GRID2: variants seen among roughly 807,000 people sequenced by gnomAD.
The protein encoded by GRID2 is glutamate receptor ionotropic, delta-2.
Under a neutral mutation model 114.8 loss-of-function variants are expected in GRID2, and 33 were observed. The ratio of observed to expected loss-of-function variants is 0.29; its 90% CI spans 0.22 to 0.38. The LOEUF is 0.38. GRID2 is among the 10% of genes least tolerant of loss of function. The probability of loss-of-function intolerance (pLI) is 1.00; values close to 1 mark genes in which losing one functional copy is unlikely to be tolerated. For synonymous variants in GRID2, 505 were observed against 449.9 expected (o/e 1.12, Z -1.55); for missense variants, 1,184 against 1,257.7 (o/e 0.94, Z 0.89).
At chr4:92,852,417 C>T (rs1026061888) in intron 2 of GRID2, among the ~76,000 whole-genome samples, 13 of 151,884 alleles carry the variant, frequency 8.6e-5, no homozygotes, top group African/African-American at 1.4e-4. Context: ...CTCAGATAGG[C>T]TGAACTGTCT....
At chr4:93,692,209 G>T (rs1412666745) in intron 14 of GRID2, among the ~76,000 whole-genome samples, 1 of 151,874 alleles carries the variant, frequency 6.6e-6, no homozygotes, top group Non-Finnish European at 1.5e-5. Flanking sequence ...AAAATTGGGG[G>T]GGTTGCAAAT....
At chr4:93,295,588 C>T (rs1215029813) in intron 8 of GRID2, among the ~76,000 whole-genome samples, 2 of 151,138 alleles carry the variant, frequency 1.3e-5, no homozygotes, top group Admixed American at 6.6e-5. Flanking sequence ...TCTCCTCTTC[C>T]TCCTCCTCCT....
chr4:93,257,013 T>G (rs1445437909), intron 8 of GRID2, among the ~76,000 whole-genome samples: 1 of 151,826 alleles, frequency 6.6e-6, no homozygotes, highest in African/African-American at 2.4e-5. Flanking sequence ...TATTTTTTGA[T>G]GCACGTGGGA....
chr4:93,174,803 A>G (rs970587155), intron 4 of GRID2, among the ~76,000 whole-genome samples: 4 of 152,112 alleles, frequency 2.6e-5, no homozygotes, highest in Non-Finnish European at 5.9e-5. Context: ...AGAGTGTGGT[A>G]TTTTCTTACA....
chr4:92,785,047 C>G (rs1053501450), intron 2 of GRID2, among the ~76,000 whole-genome samples: 5 of 149,290 alleles, frequency 3.3e-5, no homozygotes, highest in African/African-American at 1.2e-4. Context: ...CACTTTAATT[C>G]CAAGCTAGGG....
intron 8 of GRID2, among the ~76,000 whole-genome samples, chr4:93,361,838 A>C (rs925214005): frequency 2.0e-5 from 3 of 151,894 alleles, no homozygotes; most frequent in Non-Finnish European, 2.9e-5. Context: ...TTTTTAGATT[A>C]TATTTTATTT....
At chr4:92,365,243 C>A (rs1317562609) in intron 1 of GRID2, among the ~76,000 whole-genome samples, 2 of 151,904 alleles carry the variant, frequency 1.3e-5, no homozygotes. Flanking sequence ...TGTCTGTCAG[C>A]AGGTGAAAGG....
At chr4:92,755,854 T>G (rs1231401092) in intron 2 of GRID2, among the ~76,000 whole-genome samples, 1 of 152,212 alleles carries the variant, frequency 6.6e-6, no homozygotes, top group Non-Finnish European at 1.5e-5. Flanking sequence ...ACATAAAATT[T>G]GTTCATATCT....
At chr4:92,826,794 C>T (rs143128174) in intron 2 of GRID2, among the ~76,000 whole-genome samples, 32 of 152,148 alleles carry the variant, frequency 2.1e-4, no homozygotes, top group African/African-American at 7.2e-4. Flanking sequence ...TCAAGTATTA[C>T]AACATGAGTT....
chr4:93,397,333 AT>A (rs1336543696), intron 9 of GRID2, among the ~76,000 whole-genome samples: 1 of 151,950 alleles, frequency 6.6e-6, no homozygotes, highest in Admixed American at 6.6e-5. Flanking sequence ...ATTGATATGC[AT>A]TTACATTGAT....
intron 2 of GRID2, among the ~76,000 whole-genome samples, chr4:92,840,098 T>A (rs538366614): frequency 1.3e-5 from 2 of 152,222 alleles, no homozygotes; most frequent in South Asian, 4.1e-4. Context: ...TTCTTATAGG[T>A]TTTGTCTTGA....
chr4:93,777,991 G>A (rs188967955), downstream of GRID2, among the ~76,000 whole-genome samples: 268 of 152,210 alleles, frequency 1.8e-3, no homozygotes, highest in African/African-American at 6.2e-3. Flanking sequence ...ATACCTATAT[G>A]CAAAGATAAC....
intron 1 of GRID2, among the ~76,000 whole-genome samples, chr4:93,797,842 G>A (rs1261673667): frequency 7.0e-5 from 9 of 128,080 alleles, no homozygotes; most frequent in East Asian, 2.3e-4. Flanking sequence ...TCCCCAGGAT[G>A]AAAAAAAAAA....
intron 15 of GRID2, 102 bp from the exon 16 acceptor site, chr4:93,771,974 C>G: frequency 1.4e-6 from 1 of 697,454 alleles, no homozygotes; most frequent in Non-Finnish European, 2.5e-6. Flanking sequence ...ATGAATAAAC[C>G]CCAAAGTTCA....
At chr4:93,803,068 C>T (rs982986708) in intron 1 of GRID2, among the ~76,000 whole-genome samples, 2 of 152,182 alleles carry the variant, frequency 1.3e-5, no homozygotes, top group African/African-American at 4.8e-5. Flanking sequence ...AGGTAGAATC[C>T]TCACATCCTA....
intron 2 of GRID2, among the ~76,000 whole-genome samples, chr4:92,876,273 T>C (rs1042250534): frequency 2.0e-5 from 3 of 149,688 alleles, no homozygotes; most frequent in Admixed American, 1.3e-4. Flanking sequence ...ATTATCTTTT[T>C]TTTTTATTAT....
intron 2 of GRID2, among the ~76,000 whole-genome samples, chr4:92,940,617 G>A (rs1751039338): frequency 2.0e-5 from 3 of 152,230 alleles, no homozygotes; most frequent in South Asian, 4.1e-4. Context: ...GAATAGGAGT[G>A]GTGAGAGAGG....
chr4:93,551,333 C>T (rs1733733041), intron 13 of GRID2, among the ~76,000 whole-genome samples: 1 of 152,062 alleles, frequency 6.6e-6, no homozygotes, highest in Non-Finnish European at 1.5e-5. Context: ...TGTAAGAAGG[C>T]TGCCATAGGG....
At chr4:93,344,070 A>G (rs1056960029) in intron 8 of GRID2, among the ~76,000 whole-genome samples, 3 of 152,072 alleles carry the variant, frequency 2.0e-5, no homozygotes, top group Admixed American at 2.0e-4. Flanking sequence ...AGTAATAGTT[A>G]TAAGTAAATT....
Sources: allele counts gnomAD v4.1 joint callset (sites outside exome capture counted in the v4.1 genomes callset), GRCh38; gene constraint gnomAD v4.1.1; transcripts MANE v1.5; gene names NCBI Gene and HGNC (gene_info 2026-07-23, HGNC 2026-07-21).